Variants in UBE2F observed in about 807,000 individuals in gnomAD.
The protein encoded by UBE2F is NEDD8-conjugating enzyme UBE2F.
In UBE2F, 5 loss-of-function variants were observed where a neutral mutation model predicts 29.6. The ratio of observed to expected loss-of-function variants is 0.17; its 90% CI spans 0.09 to 0.36. The LOEUF (loss-of-function observed/expected upper bound fraction) is 0.36, where lower values mean the gene tolerates loss of function less well. UBE2F is among the 10% of genes least tolerant of loss of function. UBE2F has a pLI of 1.00. For missense variants in UBE2F, 141 were observed against 228.5 expected (o/e 0.62, Z 2.47); for synonymous variants, 66 against 81.8 (o/e 0.81, Z 1.04).
chr2:237,974,436 C>T (rs1426942245), intron 2 of UBE2F, among the ~76,000 whole-genome samples: 6 of 151,490 alleles, frequency 4.0e-5, no homozygotes, highest in Non-Finnish European at 2.9e-5. Context: ...GTGATTTGCT[C>T]GCTTTGGCCT....
intron 2 of UBE2F, among the ~76,000 whole-genome samples, chr2:237,977,611 G>T (rs1328060787): frequency 1.3e-5 from 2 of 152,224 alleles, no homozygotes; most frequent in Non-Finnish European, 2.9e-5. Context: ...CCTGGTGGCA[G>T]TCTGGCCTTC....
At chr2:238,019,474 G>T (rs561866110) in intron 5 of UBE2F, among the ~76,000 whole-genome samples, 4 of 151,804 alleles carry the variant, frequency 2.6e-5, no homozygotes, top group African/African-American at 9.7e-5. Flanking sequence ...TCAAGTGATT[G>T]TCCTGCCTCA....
chr2:237,974,895 C>T (rs914984372), intron 2 of UBE2F, among the ~76,000 whole-genome samples: 7 of 151,996 alleles, frequency 4.6e-5, no homozygotes, highest in Non-Finnish European at 7.4e-5. Context: ...ATAATCCACC[C>T]GCCTCGGCCT....
intron 2 of UBE2F, among the ~76,000 whole-genome samples, chr2:237,978,666 T>C (rs1227646124): frequency 6.6e-6 from 1 of 152,180 alleles, no homozygotes; most frequent in Non-Finnish European, 1.5e-5. Context: ...TGCTTGTAGC[T>C]GCATTGCCTG....
chr2:238,028,144 G>A (rs2064478191), intron 6 of UBE2F, among the ~76,000 whole-genome samples: 1 of 152,262 alleles, frequency 6.6e-6, no homozygotes, highest in African/African-American at 2.4e-5. Context: ...AACTTCCTCA[G>A]TGACTGGAGG....
Position 238,030,614 on chromosome 2 carries a change from G to A in UBE2F, c.411+1G>A. The A allele has an allele frequency of 6.2e-7, 1 of 1,611,920 alleles. No individual in the cohort carries two copies. The stretch of plus-strand genomic sequence containing the variant: ...CTGGGCTCCCACAAGAACATTAAAG[G>A]TAGAGTCTGTGCCTTGATCTTGATC... On this transcript the variant is annotated splice_donor_variant, in intron 7 of 9. Transcript: ENST00000272930. LOFTEE classifies it high-confidence loss of function.
intron 3 of UBE2F, chr2:237,990,384 C>G: frequency 2.2e-6 from 1 of 454,518 alleles, no homozygotes; most frequent in Non-Finnish European, 4.5e-6. Flanking sequence ...CCAACTTGAG[C>G]CTGTATATAC....
chr2:237,991,399 G>T (rs2063582811), intron 3 of UBE2F, among the ~76,000 whole-genome samples: 1 of 152,098 alleles, frequency 6.6e-6, no homozygotes, highest in Non-Finnish European at 1.5e-5. Context: ...TTCGGAACTA[G>T]TTTGGAGCTC....
chr2:237,974,310 A>C (rs964162923), intron 2 of UBE2F, among the ~76,000 whole-genome samples: 2 of 151,224 alleles, frequency 1.3e-5, no homozygotes, highest in Non-Finnish European at 1.5e-5. Context: ...CCTGCCTCAG[A>C]CTCTCGAGTA....
rs1202718423 is a variant in UBE2F at position 238,025,384 on chromosome 2, A to G, written c.325A>G (p.Ile109Val). The change falls in exon 6 of 10, where the codon ATC becomes GTC. Residue 109 changes from isoleucine (I) to valine (V), a missense_variant. Physicochemically the swap from Ile to Val is conservative, Grantham distance 29. Transcript: ENST00000272930. ...CCTGACCAAGATCTGGCACCCCAAC[A>G]TCACAGAGACAGGGGAAATATGTCT... is the stretch of plus-strand genomic sequence containing the variant. ...KCLTKIWHPN[I>V]TETGEICLSL... 2 of 1,614,050 alleles carry G rather than the reference A, an allele frequency of 1.2e-6. No homozygotes were observed. Among genetic ancestry groups the G allele is most frequent in the African/African-American group, 1.3e-5 (1 of 75,030 alleles).
intron 4 of UBE2F, among the ~76,000 whole-genome samples, chr2:238,010,490 A>G (rs2106375504): frequency 6.6e-6 from 1 of 152,182 alleles, no homozygotes; most frequent in East Asian, 1.9e-4. Context: ...CTATTTGAAA[A>G]GTTCCTATAA....
chr2:238,002,773 G>A (rs1223410011), intron 4 of UBE2F, among the ~76,000 whole-genome samples: 1 of 151,494 alleles, frequency 6.6e-6, no homozygotes, highest in Non-Finnish European at 1.5e-5. Flanking sequence ...CACCACGCCT[G>A]GCTAATTTTT....
intron 3 of UBE2F, among the ~76,000 whole-genome samples, chr2:237,994,054 A>G (rs759976737): frequency 5.9e-5 from 9 of 151,868 alleles, no homozygotes; most frequent in African/African-American, 2.4e-5. Context: ...GATTATGGTA[A>G]ACTCTGGCTG....
At chr2:238,007,545 C>T (rs2063934232) in intron 4 of UBE2F, among the ~76,000 whole-genome samples, 1 of 151,174 alleles carries the variant, frequency 6.6e-6, no homozygotes, top group Non-Finnish European at 1.5e-5. Flanking sequence ...TGAATGGATG[C>T]TTTTTTCCTC....
chr2:237,981,465 C>G (rs2063373768), intron 2 of UBE2F, among the ~76,000 whole-genome samples: 1 of 152,088 alleles, frequency 6.6e-6, no homozygotes, highest in African/African-American at 2.4e-5. Context: ...CTTGCACTAT[C>G]TCTTGGACCA....
At chr2:238,024,534 G>A (rs917560446) in intron 5 of UBE2F, among the ~76,000 whole-genome samples, 2 of 152,140 alleles carry the variant, frequency 1.3e-5, no homozygotes. Flanking sequence ...TGGAGAGACA[G>A]GGTCTTACTA....
rs550674917 is a variant in UBE2F, at chr2:237,986,045, G to A, written c.119-1918G>A. On this transcript the variant is annotated intron_variant, in intron 2 of 9. Coordinates refer to ENST00000272930, the MANE Select transcript of UBE2F (RefSeq NM_080678.3). ...ATTTTTAATTTTTTTTTGCTATTGA[G>A]TTGTGTGATTTCCTTATATATTTTA... 20 of 208,202 alleles carry A rather than the reference G, an allele frequency of 9.6e-5. No homozygotes were observed. In the South Asian group the frequency reaches 1.0e-3, roughly 11 times the overall value. 12.9% of individuals were successfully genotyped at this position (208,202 alleles called of 1,614,324 possible). A position where few individuals can be genotyped will look rare whatever the true frequency, so the allele number is the denominator to read the frequency against.
intron 7 of UBE2F, 64 bp from the exon 8 acceptor site, chr2:238,032,158 T>A: frequency 7.6e-7 from 1 of 1,309,532 alleles, no homozygotes; most frequent in South Asian, 1.2e-5. Context: ...TTCTTGATCA[T>A]GGGTTTAAAA....
rs755774698 is a variant in UBE2F, at chr2:238,041,335, A to G, written c.555A>G (p.Arg185=). The change falls in exon 10 of 10, where the codon AGA becomes AGG. Residue 185 remains arginine (R), a synonymous_variant. Transcript: ENST00000272930. ...ATGACTACATCAAACGTTATGCCAG[A>G]TGATAAAAGGGGACGATTGCAGGCC... The part of the protein sequence containing the change: ...KVDDYIKRYA[R] 1 of 1,613,942 alleles carries G rather than the reference A, an allele frequency of 6.2e-7. No homozygotes were observed. Among genetic ancestry groups the G allele is most frequent in the Admixed American group, 1.7e-5 (1 of 60,014 alleles).
Sources: gnomAD v4.1 joint callset for allele counts (sites outside exome capture counted in the v4.1 genomes callset) on GRCh38, gnomAD v4.1.1 for gene constraint, MANE v1.5 for transcripts, NCBI Gene and HGNC (gene_info 2026-07-23, HGNC 2026-07-21) for gene names.